Variants in IL7 observed in about 807,000 individuals in gnomAD.
The protein encoded by IL7 is interleukin-7.
IL7 carries 3 observed loss-of-function variants against 21.6 expected under a neutral mutation model. The ratio of observed to expected loss-of-function variants is 0.14; its 90% CI spans 0.06 to 0.36. The LOEUF (loss-of-function observed/expected upper bound fraction) is 0.36. Among genes scored for constraint, IL7 ranks in the 10% least tolerant of loss-of-function variants. IL7 has a pLI of 1.00. For missense variants in IL7, 175 were observed against 200.2 expected (o/e 0.87, Z 0.76); for synonymous variants, 62 against 68.1 (o/e 0.91, Z 0.44).
At chr8:78,690,951 A>G (rs1810192708) in intron 3 of IL7, among the ~76,000 whole-genome samples, 1 of 152,134 alleles carries the variant, frequency 6.6e-6, no homozygotes, top group Admixed American at 6.5e-5. Context: ...ATTTTCCTAA[A>G]TTCATTTACT....
At chr8:78,694,261 A>T (rs1005862267) in intron 3 of IL7, among the ~76,000 whole-genome samples, 1 of 150,096 alleles carries the variant, frequency 6.7e-6, no homozygotes, top group African/African-American at 2.4e-5. Flanking sequence ...AGCAATATCA[A>T]GTGACTTGTA....
chr8:78,689,654 A>G (rs927100568), intron 3 of IL7, among the ~76,000 whole-genome samples: 3 of 151,878 alleles, frequency 2.0e-5, no homozygotes, highest in African/African-American at 4.8e-5. Context: ...TAAAAACATT[A>G]TATATATGTA....
intron 3 of IL7, among the ~76,000 whole-genome samples, chr8:78,705,073 T>C (rs1810728292): frequency 6.6e-6 from 1 of 152,252 alleles, no homozygotes; most frequent in Non-Finnish European, 1.5e-5. Flanking sequence ...ACTTCGTTCC[T>C]GTCCGTATCC....
At chr8:78,715,800 G>A (rs1248484581), downstream of IL7, among the ~76,000 whole-genome samples, 4 of 152,130 alleles carry the variant, frequency 2.6e-5, no homozygotes, top group Non-Finnish European at 4.4e-5. Context: ...AGCACTTTGA[G>A]AGGCTGAGGC....
chr8:78,793,225 C>T (rs746192381), intron 2 of IL7, among the ~76,000 whole-genome samples: 10 of 152,130 alleles, frequency 6.6e-5, no homozygotes, highest in Admixed American at 3.9e-4. Flanking sequence ...AGAATAGTGG[C>T]TGCCAGAGGC....
At position 78,763,572 on chromosome 8, in the gene IL7, C is replaced by G. The variant is rs985213408; in HGVS notation, c.148-23490G>C. ...ACTCTAAATCCACAAATTTGATAACCTATATGAAATGCATCAATTACTCAA... is the reference window on the plus strand; with the variant it reads ...ACTCTAAATCCACAAATTTGATAACGTATATGAAATGCATCAATTACTCAA... On this transcript the variant is annotated intron_variant, in intron 2 of 5. Transcript: ENST00000263851. Among the ~76,000 whole-genome samples, 28 of 151,990 alleles carry G rather than the reference C, an allele frequency of 1.8e-4. No individual in the cohort carries two copies. The East Asian group carries it at 5.2e-3, about 28-fold the overall frequency.
intron 4 of IL7, chr8:78,678,793 A>T: frequency 1.7e-6 from 1 of 584,584 alleles, no homozygotes; most frequent in Non-Finnish European, 2.8e-6. Context: ...CTACATTAAG[A>T]TTAAAGAATA....
chr8:78,786,968 C>T (rs1813530188), intron 2 of IL7, among the ~76,000 whole-genome samples: 1 of 152,192 alleles, frequency 6.6e-6, no homozygotes, highest in South Asian at 2.1e-4. Flanking sequence ...TCATGCCTAA[C>T]TCTCCAGAGA....
intron 4 of IL7, among the ~76,000 whole-genome samples, chr8:78,683,592 G>A (rs1737239607): frequency 6.6e-6 from 1 of 152,080 alleles, no homozygotes. Flanking sequence ...TCCCTTCTAG[G>A]CCTCTGAACC....
At chr8:78,776,197 G>T (rs1004212983) in intron 2 of IL7, among the ~76,000 whole-genome samples, 1 of 151,978 alleles carries the variant, frequency 6.6e-6, no homozygotes, top group Admixed American at 6.6e-5. Context: ...AGAATGACTT[G>T]AACATAAGCA....
At chr8:78,771,551 G>A (rs1812954649) in intron 2 of IL7, among the ~76,000 whole-genome samples, 1 of 152,044 alleles carries the variant, frequency 6.6e-6, no homozygotes, top group Non-Finnish European at 1.5e-5. Context: ...AATGCCACAT[G>A]GAGAAACGCA....
At chr8:78,710,723 G>A (rs1367869933) in intron 3 of IL7, among the ~76,000 whole-genome samples, 1 of 151,860 alleles carries the variant, frequency 6.6e-6, no homozygotes, top group Non-Finnish European at 1.5e-5. Flanking sequence ...GGGTTTCTTT[G>A]TACTTTAACA....
At chr8:78,732,659 A>G (rs991695864), downstream of IL7, 3 of 152,158 alleles carry the variant, frequency 2.0e-5, no homozygotes, top group African/African-American at 4.8e-5. Flanking sequence ...ATTGTTGGTA[A>G]TAGGCTATTA....
chr8:78,774,640 A>G (rs1253413461), intron 2 of IL7, among the ~76,000 whole-genome samples: 1 of 152,138 alleles, frequency 6.6e-6, no homozygotes, highest in East Asian at 1.9e-4. Flanking sequence ...CGTGTTTTCT[A>G]ATACATGTCT....
At chr8:78,757,927 C>T (rs893955621) in intron 2 of IL7, among the ~76,000 whole-genome samples, 3 of 152,032 alleles carry the variant, frequency 2.0e-5, no homozygotes, top group Non-Finnish European at 4.4e-5. Context: ...GAATAAGTCT[C>T]ATGAGATCTC....
chr8:78,753,406 A>C (rs1422646234), intron 2 of IL7, among the ~76,000 whole-genome samples: 1 of 152,086 alleles, frequency 6.6e-6, no homozygotes, highest in Non-Finnish European at 1.5e-5. Flanking sequence ...TCCTTTGCCC[A>C]CTTTTTGATG....
intron 2 of IL7, among the ~76,000 whole-genome samples, chr8:78,750,410 A>G (rs1586068125): frequency 6.6e-6 from 1 of 152,164 alleles, no homozygotes; most frequent in East Asian, 1.9e-4. Context: ...CTATGAAAAA[A>G]AAAATTACAA....
chr8:78,676,730 C>G (rs979493730), intron 4 of IL7, among the ~76,000 whole-genome samples: 1 of 151,752 alleles, frequency 6.6e-6, no homozygotes, highest in African/African-American at 2.4e-5. Context: ...TTTTTGTAAT[C>G]TTTTAAAAAC....
At chr8:78,759,659 A>G (rs989617363) in intron 2 of IL7, among the ~76,000 whole-genome samples, 15 of 152,196 alleles carry the variant, frequency 9.9e-5, no homozygotes, top group Admixed American at 5.9e-4. Context: ...TGGTGAGCTC[A>G]CAAGCTTTTC....
Sources: allele counts gnomAD v4.1 joint callset (sites outside exome capture counted in the v4.1 genomes callset), GRCh38; gene constraint gnomAD v4.1.1; transcripts MANE v1.5; gene names NCBI Gene and HGNC (gene_info 2026-07-23, HGNC 2026-07-21).